Variants in SAR1B observed in about 807,000 individuals in gnomAD.
SAR1B encodes small COPII coat GTPase SAR1B.
A neutral mutation model predicts 26.8 loss-of-function variants in SAR1B; 23 were observed. That is an observed-to-expected ratio of 0.86 (90% CI 0.62 to 1.22). The LOEUF (loss-of-function observed/expected upper bound fraction) is 1.22. SAR1B is among the 50% of genes most tolerant of loss of function. SAR1B has a pLI of 0.00. For missense variants in SAR1B, 196 were observed against 232.8 expected (o/e 0.84, Z 1.03); for synonymous variants, 65 against 80.8 (o/e 0.80, Z 1.05).
At chr5:134,631,540 C>T (rs1191817850) in intron 1 of SAR1B, 2 of 152,248 alleles carry the variant, frequency 1.3e-5, no homozygotes, top group South Asian at 4.1e-4. Flanking sequence ...TACTTTAACA[C>T]GGAATATAGG....
intron 1 of SAR1B, among the ~76,000 whole-genome samples, chr5:134,626,101 T>A (rs1765488478): frequency 6.6e-6 from 1 of 151,526 alleles, no homozygotes; most frequent in Non-Finnish European, 1.5e-5. Flanking sequence ...GAGTTCAAGA[T>A]CAGCCTGGCC....
In SAR1B at chr5:134,609,168, T is replaced by C. The variant is rs1380908539; in HGVS notation, c.348+403A>G. The C allele has an allele frequency of 3.7e-5, 17 of 453,656 alleles. No individual in the cohort carries two copies. The Admixed American group carries it at 3.8e-4, about 10-fold the overall frequency. The allele number at this position is 453,656 out of a possible 1,614,324, so 28.1% of individuals were successfully genotyped here. ...TGGAGGGGAGGTAGCTACATATGCCTCTGCTCACTCCTGGGAGTAGTGTCA... is the reference window on the plus strand; with the variant it reads ...TGGAGGGGAGGTAGCTACATATGCCCCTGCTCACTCCTGGGAGTAGTGTCA... On this transcript the variant is annotated intron_variant, in intron 5 of 6. Coordinates refer to ENST00000402673, the MANE Select transcript of SAR1B (RefSeq NM_016103.4).
At chr5:134,628,949 C>T (rs564948707) in intron 1 of SAR1B, among the ~76,000 whole-genome samples, 10 of 151,866 alleles carry the variant, frequency 6.6e-5, no homozygotes, top group Admixed American at 3.3e-4. Context: ...CCACCATGCC[C>T]GGTACAAAAA....
Position 134,606,994 on chromosome 5 carries a change from C to T in SAR1B, c.553G>A (p.Gly185Ser). ...ATCCAGCGGAAGCCTTCTCCGTAACCTTGTCTTTTGAGCACACTACACATG... is the reference window on the plus strand; with the variant it reads ...ATCCAGCGGAAGCCTTCTCCGTAACTTTGTCTTTTGAGCACACTACACATG... Reference protein sequence around the residue: ...VFMCSVLKRQGYGEGFRWMAQ... With the variant: ...VFMCSVLKRQSYGEGFRWMAQ... Residue 185 changes from glycine (G) to serine (S), a missense_variant, in exon 7 of 7, where the codon GGT becomes AGT. Gly to Ser is a moderately conservative substitution (Grantham distance 56). Transcript: ENST00000402673. The T allele has an allele frequency of 6.2e-7, 1 of 1,614,074 alleles. No individual in the cohort carries two copies. Among genetic ancestry groups the T allele is most frequent in the South Asian group, 1.1e-5 (1 of 91,078 alleles).
intron 3 of SAR1B, among the ~76,000 whole-genome samples, chr5:134,618,828 T>G (rs1159539084): frequency 1.3e-5 from 2 of 151,592 alleles, no homozygotes; most frequent in Admixed American, 1.3e-4. Flanking sequence ...CGAAACCTGG[T>G]CTCTACTAAA....
intron 2 of SAR1B, among the ~76,000 whole-genome samples, chr5:134,621,965 C>A (rs1212381961): frequency 6.6e-6 from 1 of 152,162 alleles, no homozygotes; most frequent in Non-Finnish European, 1.5e-5. Flanking sequence ...CTCAAGTGAT[C>A]TGCCCACCTT....
intron 1 of SAR1B, among the ~76,000 whole-genome samples, chr5:134,624,314 C>G (rs920541591): frequency 3.3e-5 from 5 of 151,946 alleles, no homozygotes; most frequent in African/African-American, 1.2e-4. Flanking sequence ...GAGGCTGAGG[C>G]AGGAGAATTA....
At chr5:134,616,450 AAAAG>A (rs1163343036) in intron 3 of SAR1B, among the ~76,000 whole-genome samples, 15 of 152,016 alleles carry the variant, frequency 9.9e-5, no homozygotes, top group African/African-American at 2.7e-4. Flanking sequence ...AAAAAAAAAA[AAAAG>A]AAAGAAAGAA....
Position 134,630,766 on chromosome 5 carries a change from G to A in SAR1B, c.-19+1962C>T, listed in dbSNP as rs552835947. On this transcript the variant is annotated intron_variant, in intron 1 of 6. Transcript: ENST00000402673. The stretch of plus-strand genomic sequence containing the variant: ...TGCACTCCAGCCTGGGCGATAGAGC[G>A]AGACTCCGTCTCAAAAAAAAAAAAA... Among the ~76,000 whole-genome samples, 360 of 142,372 alleles carry A rather than the reference G, an allele frequency of 2.5e-3. 1 individual carries two copies. Among genetic ancestry groups the A allele is most frequent in the Middle Eastern group, 8.3e-3 (2 of 242 alleles). The allele number at this position is 142,372 out of a possible 152,430, so 93.4% of individuals were successfully genotyped here.
intron 2 of SAR1B, 78 bp from the exon 3 acceptor site, chr5:134,621,130 A>T: frequency 6.7e-7 from 1 of 1,482,152 alleles, no homozygotes; most frequent in Non-Finnish European, 9.4e-7. Context: ...TGGCCCAATT[A>T]AGCTTGAAGT....
intron 5 of SAR1B, 93 bp from the exon 6 acceptor site, chr5:134,608,596 C>A: frequency 7.4e-7 from 1 of 1,353,976 alleles, no homozygotes; most frequent in South Asian, 1.2e-5. Flanking sequence ...GACTCATTTT[C>A]TACCATATCA....
chr5:134,613,099 C>T (rs1420810772), intron 3 of SAR1B: 9 of 328,136 alleles, frequency 2.7e-5, no homozygotes, highest in Non-Finnish European at 4.6e-5. Context: ...CCACAAGTTA[C>T]TTCCTCCTTC....
rs763969551 is a variant in SAR1B at position 134,605,826 on chromosome 5, C to T, written c.*1124G>A. ...ATACAAAAGAGCTATAGGATAGGAA[C>T]AAAATCTCCACATATCTCAGACTGA... On this transcript the variant is annotated 3_prime_UTR_variant, in exon 7 of 7. Coordinates refer to ENST00000402673, the MANE Select transcript of SAR1B (RefSeq NM_016103.4). 4.7e-4 allele frequency: 71 copies of T among 152,162 alleles called. No individual in the cohort carries two copies. The highest frequency in any genetic ancestry group is 9.6e-4 in the Non-Finnish European group (65 of 68,030). 9.4% of individuals were successfully genotyped at this position (152,162 alleles called of 1,614,324 possible).
chr5:134,629,190 G>T (rs985306169), intron 1 of SAR1B, among the ~76,000 whole-genome samples: 1 of 151,998 alleles, frequency 6.6e-6, no homozygotes, highest in Non-Finnish European at 1.5e-5. Flanking sequence ...GGGAGGCCAA[G>T]GTGGGGGGAT....
intron 3 of SAR1B, among the ~76,000 whole-genome samples, chr5:134,617,465 A>T (rs1378347903): frequency 6.6e-6 from 1 of 152,200 alleles, no homozygotes; most frequent in Non-Finnish European, 1.5e-5. Context: ...ATTAAAAAAT[A>T]TGAGTTGAAA....
At chr5:134,610,330 C>T (rs1561784296) in intron 4 of SAR1B, among the ~76,000 whole-genome samples, 4 of 151,892 alleles carry the variant, frequency 2.6e-5, no homozygotes, top group African/African-American at 4.8e-5. Context: ...TTAGCCAAGC[C>T]GGACACAGTG....
chr5:134,608,573 T>C (rs1222650920), intron 5 of SAR1B, 70 bp from the exon 6 acceptor site: 1 of 1,501,726 alleles, frequency 6.7e-7, no homozygotes, highest in Non-Finnish European at 9.1e-7. Context: ...TTTGATATGA[T>C]AAAACAATAA....
At chr5:134,630,889 C>CTTTTTTTTT (rs781218368) in intron 1 of SAR1B, among the ~76,000 whole-genome samples, 66 of 69,146 alleles carry the variant, frequency 9.5e-4, no homozygotes, top group African/African-American at 1.5e-3. Flanking sequence ...CTTTTTTTTT[C>CTTTTTTTTT]TTTTTTTTTT....
chr5:134,629,408 A>G (rs1170787059), intron 1 of SAR1B, among the ~76,000 whole-genome samples: 1 of 152,142 alleles, frequency 6.6e-6, no homozygotes, highest in Admixed American at 6.6e-5. Flanking sequence ...AAGAAAAAAT[A>G]CAAAAATAGG....
Sources: gnomAD v4.1 joint callset for allele counts (sites outside exome capture counted in the v4.1 genomes callset) on GRCh38, gnomAD v4.1.1 for gene constraint, MANE v1.5 for transcripts, NCBI Gene and HGNC (gene_info 2026-07-23, HGNC 2026-07-21) for gene names.